UBE2R2: variants seen among roughly 807,000 people sequenced by gnomAD.
UBE2R2 encodes the protein ubiquitin conjugating enzyme E2 R2, also known as ubiquitin-conjugating enzyme E2 R2.
In UBE2R2, 1 loss-of-function variant was observed where a neutral mutation model predicts 27.8. The ratio of observed to expected loss-of-function variants is 0.04; its 90% confidence interval spans 0.01 to 0.17. The LOEUF (loss-of-function observed/expected upper bound fraction) is 0.17. Ranked by LOEUF, UBE2R2 falls within the 10% of genes least tolerant of loss-of-function variation. The probability of loss-of-function intolerance (pLI) is 1.00; values close to 1 mark genes in which losing one functional copy is unlikely to be tolerated. For synonymous variants in UBE2R2, 106 were observed against 113.3 expected, an observed-to-expected ratio of 0.94 and a Z score of 0.41; for missense variants, 100 against 291.0, an observed-to-expected ratio of 0.34 and a Z score of 4.78.
intron 1 of UBE2R2, among the ~76,000 whole-genome samples, chr9:33,878,705 T>G (rs1821668470): frequency 2.0e-5 from 3 of 152,154 alleles, no homozygotes; most frequent in Non-Finnish European, 4.4e-5. Context: ...AGAAGCCAAC[T>G]GCAGAGAAAC....
At chr9:33,908,341 A>G (rs1054982860) in intron 3 of UBE2R2, among the ~76,000 whole-genome samples, 6 of 152,188 alleles carry the variant, frequency 3.9e-5, no homozygotes, top group African/African-American at 1.4e-4. Context: ...ATGCATCGCC[A>G]TAACAACAGG....
intron 4 of UBE2R2, among the ~76,000 whole-genome samples, chr9:33,912,755 A>G (rs963986968): frequency 6.6e-6 from 1 of 152,126 alleles, no homozygotes; most frequent in Non-Finnish European, 1.5e-5. Flanking sequence ...CTAGAATAAG[A>G]TTCAGGGGAC....
At chr9:33,853,261 A>T (rs1587445525) in intron 1 of UBE2R2, among the ~76,000 whole-genome samples, 1 of 146,814 alleles carries the variant, frequency 6.8e-6, no homozygotes, top group Non-Finnish European at 1.5e-5. Flanking sequence ...CTAAAGCAAG[A>T]CTTACCTGGC....
intron 1 of UBE2R2, among the ~76,000 whole-genome samples, chr9:33,841,975 A>G (rs768803657): frequency 1.6e-4 from 24 of 152,292 alleles, no homozygotes; most frequent in Non-Finnish European, 2.2e-4. Flanking sequence ...ATTACATGCA[A>G]TATTCTCTTT....
At chr9:33,894,259 C>A (rs542505249) in intron 2 of UBE2R2, among the ~76,000 whole-genome samples, 1 of 151,940 alleles carries the variant, frequency 6.6e-6, no homozygotes, top group East Asian at 1.9e-4. Flanking sequence ...TAGCAAGATC[C>A]CCATCTCTAT....
At chr9:33,895,288 A>AC (rs1235819404) in intron 2 of UBE2R2, among the ~76,000 whole-genome samples, 2 of 152,252 alleles carry the variant, frequency 1.3e-5, no homozygotes, top group Non-Finnish European at 2.9e-5. Context: ...TTGTCCCACT[A>AC]CCATTTATTG....
At chr9:33,879,578 T>C (rs1211035736) in intron 1 of UBE2R2, among the ~76,000 whole-genome samples, 1 of 151,594 alleles carries the variant, frequency 6.6e-6, no homozygotes, top group Non-Finnish European at 1.5e-5. Context: ...CTCAGCCTCC[T>C]GAGTAGCTGG....
At chr9:33,867,321 C>T (rs1343272223) in intron 1 of UBE2R2, among the ~76,000 whole-genome samples, 1 of 152,180 alleles carries the variant, frequency 6.6e-6, no homozygotes, top group East Asian at 1.9e-4. Flanking sequence ...AATGACTCTT[C>T]CACTTCATCC....
chr9:33,817,604 G>T lies in UBE2R2; in HGVS notation c.-154G>T, dbSNP rs1449984627. ...AGGACCCCGGGCGGGCCCACGGGCC[G>T]TGTGGGGCCTGGTCTGGCCCGCCGG... On this transcript the variant is annotated 5_prime_UTR_variant, in exon 1 of 5. Transcript: ENST00000263228. 1.4e-5 allele frequency: 13 copies of T among 921,600 alleles called. No homozygotes were observed. In the East Asian group the frequency reaches 6.9e-4, roughly 49 times the overall value. The allele number at this position is 921,600 out of a possible 1,614,324, so 57.1% of individuals were successfully genotyped here. A position where few individuals can be genotyped will look rare whatever the true frequency, so the allele number is the denominator to read the frequency against.
At chr9:33,850,603 T>C (rs1407984412) in intron 1 of UBE2R2, among the ~76,000 whole-genome samples, 1 of 152,192 alleles carries the variant, frequency 6.6e-6, no homozygotes, top group African/African-American at 2.4e-5. Flanking sequence ...TCTTAACCTC[T>C]TAAATTTGCC....
At chr9:33,869,065 C>T (rs1003497711) in intron 1 of UBE2R2, among the ~76,000 whole-genome samples, 6 of 152,034 alleles carry the variant, frequency 3.9e-5, no homozygotes, top group African/African-American at 1.4e-4. Flanking sequence ...CTTGGGAGCT[C>T]AAGACCAGCC....
chr9:33,891,391 A>T (rs1381858509), intron 2 of UBE2R2, among the ~76,000 whole-genome samples: 3 of 151,724 alleles, frequency 2.0e-5, no homozygotes, highest in East Asian at 4.0e-4. Flanking sequence ...TACGCCTGTA[A>T]TCCTAACACT....
Position 33,827,058 on chromosome 9 carries a change from C to T in UBE2R2, c.177+9124C>T, listed in dbSNP as rs1188776479. 5.9e-5 allele frequency among the ~76,000 whole-genome samples: 9 copies of T among 152,234 alleles called. No homozygotes were observed. In the South Asian group the frequency reaches 1.5e-3, roughly 25 times the overall value. On this transcript the variant is annotated intron_variant, in intron 1 of 4. Coordinates refer to ENST00000263228, the MANE Select transcript of UBE2R2 (RefSeq NM_017811.4). ...CGGAGGCTGCAGTGAGCCGAGATCG[C>T]GCCACTGCGCTCCAGCCTGGGCGAC...
chr9:33,844,298 G>T (rs375381351), intron 1 of UBE2R2, among the ~76,000 whole-genome samples: 237 of 152,222 alleles, frequency 1.6e-3, no homozygotes, highest in African/African-American at 5.5e-3. Context: ...TTCGCCTCCC[G>T]GGTTCAAGCG....
rs1487174921 is a variant in UBE2R2, at chr9:33,817,396, C to T, written c.-362C>T. Reference sequence around the variant, plus strand: ...CCCGGCCCCCTCCCTTCACCATCGCCGGCCCTCCGCCGCCTTCCTCCGCTT... The same window carrying T: ...CCCGGCCCCCTCCCTTCACCATCGCTGGCCCTCCGCCGCCTTCCTCCGCTT... On this transcript the variant is annotated 5_prime_UTR_variant, in exon 1 of 5. Transcript: ENST00000263228. Among the ~76,000 whole-genome samples the T allele has an allele frequency of 1.3e-5, 2 of 149,688 alleles. No homozygotes were observed. Among genetic ancestry groups the T allele is most frequent in the African/African-American group, 2.5e-5 (1 of 40,728 alleles).
At chr9:33,869,114 A>G (rs1248884828) in intron 1 of UBE2R2, among the ~76,000 whole-genome samples, 1 of 151,990 alleles carries the variant, frequency 6.6e-6, no homozygotes, top group Admixed American at 6.6e-5. Flanking sequence ...CTAAAAATGA[A>G]AAAAACTAGT....
intron 1 of UBE2R2, among the ~76,000 whole-genome samples, chr9:33,823,369 G>C (rs1440889445): frequency 6.6e-6 from 1 of 150,758 alleles, no homozygotes; most frequent in African/African-American, 2.4e-5. Flanking sequence ...GTAAAATATA[G>C]TTGAAAAAAA....
intron 2 of UBE2R2, among the ~76,000 whole-genome samples, chr9:33,899,809 T>C (rs946972934): frequency 2.0e-5 from 3 of 152,214 alleles, no homozygotes; most frequent in African/African-American, 7.2e-5. Flanking sequence ...CAGTCAATTT[T>C]TTATCAGGAT....
In UBE2R2 at chr9:33,827,600, C is replaced by T. The variant is rs550577187; in HGVS notation, c.177+9666C>T. 2.0e-5 allele frequency among the ~76,000 whole-genome samples: 3 copies of T among 151,724 alleles called. No individual in the cohort carries two copies. In the East Asian group the frequency reaches 5.8e-4, roughly 29 times the overall value. On this transcript the variant is annotated intron_variant, in intron 1 of 4. Coordinates refer to ENST00000263228, the MANE Select transcript of UBE2R2 (RefSeq NM_017811.4). ...AATTTGCAGTAAGCTGAGATTGCGC[C>T]ATTGCACTCCAGCCTGGGCAACAAG...
Sources: allele counts gnomAD v4.1 joint callset (sites outside exome capture counted in the v4.1 genomes callset), GRCh38; gene constraint gnomAD v4.1.1; transcripts MANE v1.5; gene names NCBI Gene and HGNC (gene_info 2026-07-23, HGNC 2026-07-21).